Variants in BBS9 observed in about 807,000 individuals in gnomAD.
BBS9 encodes protein PTHB1.
A neutral mutation model predicts 117.7 loss-of-function variants in BBS9; 89 were observed. That is an observed-to-expected ratio of 0.76 (90% CI 0.64 to 0.90). BBS9 has a LOEUF of 0.90. Among genes scored for constraint, BBS9 ranks in the 40% least tolerant of loss-of-function variants. BBS9 has a pLI of 0.00. For missense variants in BBS9, 982 were observed against 1,042.2 expected, an observed-to-expected ratio of 0.94 and a Z score of 0.80; for synonymous variants, 379 against 370.9, an observed-to-expected ratio of 1.02 and a Z score of -0.25.
chr7:33,307,986 G>A (rs944188768), intron 9 of BBS9, among the ~76,000 whole-genome samples: 1 of 152,174 alleles, frequency 6.6e-6, no homozygotes, highest in Non-Finnish European at 1.5e-5. Context: ...CTCCAAAGTG[G>A]CCTAAGTCGA....
intron 1 of BBS9, among the ~76,000 whole-genome samples, chr7:33,144,116 A>T (rs1193047192): frequency 6.6e-6 from 1 of 152,168 alleles, no homozygotes; most frequent in African/African-American, 2.4e-5. Context: ...AGAGATGTTC[A>T]GTAACTTTTA....
chr7:33,631,978 C>G (rs919080753), intron 21 of BBS9, among the ~76,000 whole-genome samples: 1 of 152,158 alleles, frequency 6.6e-6, no homozygotes, highest in Non-Finnish European at 1.5e-5. Context: ...TAAATTCCCT[C>G]TCATCACAGA....
At chr7:33,347,877 A>C (rs920651224) in intron 12 of BBS9, among the ~76,000 whole-genome samples, 24 of 152,002 alleles carry the variant, frequency 1.6e-4, no homozygotes, top group African/African-American at 5.6e-4. Flanking sequence ...AAGTCTAATA[A>C]CTAGACTGAA....
chr7:33,234,699 C>CCACA lies in BBS9; in HGVS notation c.443-22522_443-22519dup, dbSNP rs58160238. On this transcript the variant is annotated intron_variant, in intron 5 of 22. Coordinates refer to ENST00000242067, the MANE Select transcript of BBS9 (RefSeq NM_198428.3). Reference sequence around the variant, plus strand: ...TATCTATCTCCATCCCTCCATCTATCCACACACACACACACACATACATTT... The same window carrying CCACA: ...TATCTATCTCCATCCCTCCATCTATCCACACACACACACACACACACATACATTT... Among the ~76,000 whole-genome samples, 25 of 149,884 alleles carry CCACA rather than the reference C, an allele frequency of 1.7e-4. 1 individual carries two copies. The highest frequency in any genetic ancestry group is 9.8e-4 in the East Asian group (5 of 5,112).
At chr7:33,408,530 C>T (rs1049169230) in intron 19 of BBS9, among the ~76,000 whole-genome samples, 7 of 152,192 alleles carry the variant, frequency 4.6e-5, no homozygotes, top group Non-Finnish European at 7.3e-5. Flanking sequence ...TCTTCTGCGT[C>T]GCTCACGCTG....
At chr7:33,152,921 A>G (rs1324844236) in intron 3 of BBS9, 70 bp downstream of exon 3, 10 of 1,515,382 alleles carry the variant, frequency 6.6e-6, no homozygotes, top group Non-Finnish European at 8.2e-6. Flanking sequence ...ACTTTTGTGT[A>G]TTCTTCAAAG....
chr7:33,501,290 C>G (rs1845407533), intron 19 of BBS9, among the ~76,000 whole-genome samples: 1 of 152,170 alleles, frequency 6.6e-6, no homozygotes, highest in Admixed American at 6.5e-5. Context: ...ACACAGTAAA[C>G]TTGGCTGTTA....
At chr7:33,518,508 C>CA in intron 20 of BBS9, among the ~76,000 whole-genome samples, 1 of 152,152 alleles carries the variant, frequency 6.6e-6, no homozygotes, top group African/African-American at 2.4e-5. Context: ...CTCGGCCTCC[C>CA]AAAGTGCTGG....
At chr7:33,183,986 A>G (rs1798443382) in intron 5 of BBS9, among the ~76,000 whole-genome samples, 2 of 152,170 alleles carry the variant, frequency 1.3e-5, no homozygotes, top group African/African-American at 4.8e-5. Context: ...TATAGCAGAA[A>G]GTTCCCCAGA....
chr7:33,213,800 G>A (rs946953974), intron 5 of BBS9, among the ~76,000 whole-genome samples: 1 of 152,180 alleles, frequency 6.6e-6, no homozygotes. Flanking sequence ...TGGAATGGGG[G>A]CCTCATGACA....
At chr7:33,501,011 G>C (rs1001780255) in intron 19 of BBS9, among the ~76,000 whole-genome samples, 1 of 152,134 alleles carries the variant, frequency 6.6e-6, no homozygotes, top group Non-Finnish European at 1.5e-5. Flanking sequence ...GCTTGAAATC[G>C]TTAGCATTTA....
At chr7:33,467,908 C>T (rs948635474) in intron 19 of BBS9, among the ~76,000 whole-genome samples, 2 of 152,062 alleles carry the variant, frequency 1.3e-5, no homozygotes, top group Non-Finnish European at 2.9e-5. Flanking sequence ...AAGCTGAAAT[C>T]TAAATATGGA....
At chr7:33,440,791 C>A (rs77953689) in intron 19 of BBS9, among the ~76,000 whole-genome samples, 1 of 152,202 alleles carries the variant, frequency 6.6e-6, no homozygotes, top group East Asian at 1.9e-4. Context: ...TCATATGAAG[C>A]ATAAGATCTA....
Position 33,485,904 on chromosome 7 carries a change from G to A in BBS9, c.2116-19559G>A, listed in dbSNP as rs185989376. Among the ~76,000 whole-genome samples, 221 of 152,296 alleles carry A rather than the reference G, an allele frequency of 1.5e-3. 3 individuals are homozygous for A. The highest frequency in any genetic ancestry group is 1.6e-3 in the Non-Finnish European group (106 of 68,016). Reference sequence around the variant, plus strand: ...ACCTCAATTAAAGAGGAAAAAAGATGAATTCATTCACTGATTGAATCCAGT... The same window carrying A: ...ACCTCAATTAAAGAGGAAAAAAGATAAATTCATTCACTGATTGAATCCAGT... On this transcript the variant is annotated intron_variant, in intron 19 of 22. Coordinates refer to ENST00000242067, the MANE Select transcript of BBS9 (RefSeq NM_198428.3).
At chr7:33,416,059 C>G (rs139791369) in intron 19 of BBS9, among the ~76,000 whole-genome samples, 2 of 152,048 alleles carry the variant, frequency 1.3e-5, no homozygotes, top group African/African-American at 4.8e-5. Flanking sequence ...GTCTCAAATT[C>G]CTGGGCTCAA....
At chr7:33,540,444 C>T (rs1328026913) in intron 21 of BBS9, among the ~76,000 whole-genome samples, 1 of 152,126 alleles carries the variant, frequency 6.6e-6, no homozygotes, top group Non-Finnish European at 1.5e-5. Flanking sequence ...AAATTGGGTC[C>T]AGAAGAATAT....
At chr7:33,264,480 C>T in intron 7 of BBS9, 106 bp downstream of exon 7, 1 of 690,134 alleles carries the variant, frequency 1.4e-6, no homozygotes. Flanking sequence ...ATATGTCAGC[C>T]ATTCTCTTTC....
At chr7:33,560,935 C>T (rs1222240224) in intron 21 of BBS9, among the ~76,000 whole-genome samples, 1 of 152,166 alleles carries the variant, frequency 6.6e-6, no homozygotes, top group Non-Finnish European at 1.5e-5. Flanking sequence ...CCTACCCATC[C>T]CTATTTTTAA....
At chr7:33,305,932 T>G (rs2128537137) in intron 9 of BBS9, among the ~76,000 whole-genome samples, 1 of 152,228 alleles carries the variant, frequency 6.6e-6, no homozygotes, top group Admixed American at 6.5e-5. Flanking sequence ...ATTATTTCCT[T>G]TCTTGTAATG....
Sources: allele counts gnomAD v4.1 joint callset (sites outside exome capture counted in the v4.1 genomes callset), GRCh38; gene constraint gnomAD v4.1.1; transcripts MANE v1.5; gene names NCBI Gene and HGNC (gene_info 2026-07-23, HGNC 2026-07-21).